UGT2B17: variants seen among roughly 807,000 people sequenced by gnomAD.
The protein encoded by UGT2B17 is UDP-glucuronosyltransferase 2B17.
In UGT2B17, 21 loss-of-function variants were observed where a neutral mutation model predicts 48.2. The observed-to-expected ratio is 0.44, with a 90% CI of 0.31 to 0.63. UGT2B17 has a LOEUF of 0.63. Ranked by LOEUF, UGT2B17 falls within the 20% of genes least tolerant of loss-of-function variation. UGT2B17 has a pLI of 0.08. For synonymous variants in UGT2B17, 146 were observed against 238.4 expected (o/e 0.61, Z 3.57); for missense variants, 402 against 696.1 (o/e 0.58, Z 4.75).
In UGT2B17 at chr4:68,550,841, C is replaced by T. The variant is rs1210070666; in HGVS notation, c.1149G>A (p.Glu383=). 3 of 1,377,296 alleles carry T rather than the reference C, an allele frequency of 2.2e-6. 1 individual carries two copies. The highest frequency in any genetic ancestry group is 1.7e-4 in the East Asian group (2 of 12,114). 85.3% of individuals were successfully genotyped at this position (1,377,296 alleles called of 1,614,324 possible). The change falls in exon 6 of 7, where the codon GAG becomes GAA. Residue 383 remains glutamate, a synonymous_variant. Transcript: ENST00000317746. The stretch of plus-strand genomic sequence containing the variant: ...CCATAGGGATCCCATGGTAGATTGC[C>T]TCATAGATGCCATTGGTTCCACCAT... ...ITHGGTNGIY[E]AIYHGIPMVG... is the part of the protein sequence containing the mutation.
At position 68,575,167 on chromosome 4, in the gene UGT2B17, C is replaced by CTTAGAA. The variant is rs1191272232; in HGVS notation, c.-65+778_-65+783dup. ...TAAGACCTTGTTTAGTCTAAATTTA[C>CTTAGAA]TTAGAATTGGTATAGATGGCCTTTT... On this transcript the variant is annotated intron_variant, in intron 1 of 6. Transcript: ENST00000317746. Among the ~76,000 whole-genome samples the CTTAGAA allele has an allele frequency of 2.7e-5, 3 of 111,042 alleles. 1 individual carries two copies. Among genetic ancestry groups the CTTAGAA allele is most frequent in the Non-Finnish European group, 5.3e-5 (3 of 56,252 alleles). 72.8% of individuals were successfully genotyped at this position (111,042 alleles called of 152,430 possible). A position where few individuals can be genotyped will look rare whatever the true frequency, so the allele number is the denominator to read the frequency against.
Position 68,558,605 on chromosome 4 carries a change from G to A in UGT2B17, c.1005+1932C>T, listed in dbSNP as rs566950914. Among the ~76,000 whole-genome samples the A allele has an allele frequency of 1.6e-5, 2 of 125,354 alleles. 1 individual carries two copies. Among genetic ancestry groups the A allele is most frequent in the Non-Finnish European group, 3.4e-5 (2 of 59,208 alleles). The allele number at this position is 125,354 out of a possible 152,430, so 82.2% of individuals were successfully genotyped here. A position where few individuals can be genotyped will look rare whatever the true frequency, so the allele number is the denominator to read the frequency against. On this transcript the variant is annotated intron_variant, in intron 4 of 6. Transcript: ENST00000317746. The stretch of plus-strand genomic sequence containing the variant: ...TTCCTCCCTTTATTTTGTCTTCACA[G>A]TACATGAGACTTCAGAACCTGCTAA...
chr4:68,568,624 G>A, intron 1 of UGT2B17, 76 bp from the exon 2 acceptor site: 1 of 1,008,782 alleles, frequency 9.9e-7, no homozygotes, highest in Non-Finnish European at 1.3e-6. Context: ...AGTGTGTTTG[G>A]TGTTCTTTTA....
intron 3 of UGT2B17, among the ~76,000 whole-genome samples, chr4:68,561,186 T>C (rs1731096015): frequency 8.1e-6 from 1 of 123,642 alleles, no homozygotes; most frequent in African/African-American, 2.8e-5. Flanking sequence ...ATTAGAATGA[T>C]TTTATATCTA....
rs1201718110 is a variant in UGT2B17 at position 68,544,014 on chromosome 4, T to C, written c.1314-6110A>G. On this transcript the variant is annotated intron_variant, in intron 6 of 6. Coordinates refer to ENST00000317746, the MANE Select transcript of UGT2B17 (RefSeq NM_001077.4). ...ACAAGTTGGAAAACACTCTGCAGGT[T>C]ATCATCCAGGAGAGCTTCCCCAATC... is the stretch of plus-strand genomic sequence containing the variant. Among the ~76,000 whole-genome samples, 2 of 126,564 alleles carry C rather than the reference T, an allele frequency of 1.6e-5. 1 individual carries two copies. Among genetic ancestry groups the C allele is most frequent in the Non-Finnish European group, 3.3e-5 (2 of 59,724 alleles). 83.0% of individuals were successfully genotyped at this position (126,564 alleles called of 152,430 possible). A position where few individuals can be genotyped will look rare whatever the true frequency, so the allele number is the denominator to read the frequency against.
chr4:68,543,407 A>G lies in UGT2B17; in HGVS notation c.1314-5503T>C, dbSNP rs1256251920. On this transcript the variant is annotated intron_variant, in intron 6 of 6. Coordinates refer to ENST00000317746, the MANE Select transcript of UGT2B17 (RefSeq NM_001077.4). The stretch of plus-strand genomic sequence containing the variant: ...GTTAGAAGGAAAACTAACAAACGGA[A>G]AGGACATCCACACCAAAACCCATTT... Among the ~76,000 whole-genome samples, 2 of 126,370 alleles carry G rather than the reference A, an allele frequency of 1.6e-5. 1 individual carries two copies. The highest frequency in any genetic ancestry group is 5.4e-5 in the African/African-American group (2 of 36,970). The allele number at this position is 126,370 out of a possible 152,430, so 82.9% of individuals were successfully genotyped here.
At chr4:68,558,491 T>C (rs1731044722) in intron 4 of UGT2B17, among the ~76,000 whole-genome samples, 1 of 126,512 alleles carries the variant, frequency 7.9e-6, no homozygotes, top group South Asian at 3.6e-4. Flanking sequence ...ATAATCCACT[T>C]TCATACCTGC....
intron 1 of UGT2B17, among the ~76,000 whole-genome samples, chr4:68,572,056 G>T (rs1196915877): frequency 1.6e-5 from 2 of 125,552 alleles, no homozygotes; most frequent in Non-Finnish European, 3.4e-5. Flanking sequence ...TTTCCTTTTT[G>T]GAGTCAAACA....
intron 4 of UGT2B17, among the ~76,000 whole-genome samples, chr4:68,556,883 C>T (rs1454058618): frequency 8.0e-6 from 1 of 125,008 alleles, no homozygotes; most frequent in African/African-American, 2.7e-5. Flanking sequence ...CCTGTGATAT[C>T]AAGCTTTTTA....
intron 1 of UGT2B17, among the ~76,000 whole-genome samples, chr4:68,573,277 A>G (rs1458481096): frequency 7.9e-6 from 1 of 127,066 alleles, no homozygotes; most frequent in African/African-American, 2.7e-5. Flanking sequence ...AGTCTGGGTT[A>G]AAACTCCAAC....
At chr4:68,571,158 C>A (rs1420118732) in intron 1 of UGT2B17, among the ~76,000 whole-genome samples, 1 of 125,036 alleles carries the variant, frequency 8.0e-6, no homozygotes, top group Non-Finnish European at 1.7e-5. Context: ...CCATCTTGTG[C>A]CTAAGTGGCG....
In UGT2B17 at chr4:68,562,942, A is replaced by T. The variant is rs1731130439; in HGVS notation, c.874-2274T>A. ...CAGTGTAATTAAACATTGTTTTGAA[A>T]AAATGGATTGTAATGGCTTGGTATG... On this transcript the variant is annotated intron_variant, in intron 3 of 6. Transcript: ENST00000317746. Among the ~76,000 whole-genome samples, 2 of 126,462 alleles carry T rather than the reference A, an allele frequency of 1.6e-5. 1 individual carries two copies. Among genetic ancestry groups the T allele is most frequent in the African/African-American group, 5.4e-5 (2 of 37,042 alleles). The allele number at this position is 126,462 out of a possible 152,430, so 83.0% of individuals were successfully genotyped here.
Position 68,553,067 on chromosome 4 carries a change from C to G in UGT2B17, c.1006-1156G>C, listed in dbSNP as rs965057639. ...GGGTTTTGTCTTGGTTAATGTTTAACAACTAGCTGGACTTAATTTCTCCTT... is the reference window on the plus strand; with the variant it reads ...GGGTTTTGTCTTGGTTAATGTTTAAGAACTAGCTGGACTTAATTTCTCCTT... On this transcript the variant is annotated intron_variant, in intron 4 of 6. Coordinates refer to ENST00000317746, the MANE Select transcript of UGT2B17 (RefSeq NM_001077.4). Among the ~76,000 whole-genome samples, 7 of 125,304 alleles carry G rather than the reference C, an allele frequency of 5.6e-5. No individual in the cohort carries two copies. In the Admixed American group the frequency reaches 5.7e-4, roughly 10 times the overall value. 82.2% of individuals were successfully genotyped at this position (125,304 alleles called of 152,430 possible).
At chr4:68,545,945 C>T (rs1185159784) in intron 6 of UGT2B17, among the ~76,000 whole-genome samples, 1 of 124,868 alleles carries the variant, frequency 8.0e-6, no homozygotes, top group Non-Finnish European at 1.7e-5. Context: ...GCTTACCAAC[C>T]AAAAAAAGTC....
rs757077341 is a variant in UGT2B17, at chr4:68,568,121, C to T, written c.364G>A (p.Asp122Asn). 2.2e-6 allele frequency: 3 copies of T among 1,381,692 alleles called. 1 individual carries two copies. In the African/African-American group the frequency reaches 4.4e-5, roughly 20 times the overall value. The allele number at this position is 1,381,692 out of a possible 1,614,324, so 85.6% of individuals were successfully genotyped here. ...TCTTCACAGAGCTTTATATTATAGTCAGAATATTCCCAACACAATTCTTGT... is the reference window on the plus strand; with the variant it reads ...TCTTCACAGAGCTTTATATTATAGTTAGAATATTCCCAACACAATTCTTGT... ...QLQELCWEYS[D>N]YNIKLCEDAV... The change falls in exon 2 of 7, where the codon GAC becomes AAC. Residue 122 changes from aspartate to asparagine, a missense_variant. By Grantham distance (23) the Asp-to-Asn change is conservative (BLOSUM62 1). Transcript: ENST00000317746.
In UGT2B17 at chr4:68,567,971, T is replaced by C. The variant is rs1462817806; in HGVS notation, c.514A>G (p.Ser172Gly). Residue 172 changes from serine (S) to glycine (G), a missense_variant, in exon 2 of 7, where the codon AGT becomes GGT. Ser to Gly is a moderately conservative substitution (Grantham distance 56). Coordinates refer to ENST00000317746, the MANE Select transcript of UGT2B17 (RefSeq NM_001077.4). The stretch of plus-strand genomic sequence containing the variant: ...GTGTAGCCAACAGAGAAGCGGAGAC[T>C]GTACAGAAAGGGTATGTTAAGTAGC... ...AELLNIPFLYSLRFSVGYTVE... is the reference protein window; with the variant it reads ...AELLNIPFLYGLRFSVGYTVE... 7 of 1,381,686 alleles carry C rather than the reference T, an allele frequency of 5.1e-6. 1 individual carries two copies. The highest frequency in any genetic ancestry group is 6.6e-6 in the Non-Finnish European group (7 of 1,055,262). The allele number at this position is 1,381,686 out of a possible 1,614,324, so 85.6% of individuals were successfully genotyped here.
chr4:68,573,419 T>A (rs1405762067), intron 1 of UGT2B17, among the ~76,000 whole-genome samples: 1 of 125,220 alleles, frequency 8.0e-6, no homozygotes, highest in Non-Finnish European at 1.7e-5. Flanking sequence ...TTGGTTGTAA[T>A]AGATGTAGTT....
intron 3 of UGT2B17, among the ~76,000 whole-genome samples, chr4:68,564,294 A>ATTTTTTTTTT (rs1182011820): frequency 4.0e-5 from 3 of 75,762 alleles, no homozygotes; most frequent in African/African-American, 1.5e-4. Flanking sequence ...ATATATATAT[A>ATTTTTTTTTT]TTTTTTTTTT....
rs182101598 is a variant in UGT2B17, at chr4:68,553,976, A to G, written c.1006-2065T>C. 1.6e-4 allele frequency among the ~76,000 whole-genome samples: 20 copies of G among 124,872 alleles called. 4 individuals are homozygous for G. Among genetic ancestry groups the G allele is most frequent in the African/African-American group, 4.1e-4 (15 of 36,580 alleles). The allele number at this position is 124,872 out of a possible 152,430, so 81.9% of individuals were successfully genotyped here. ...GGGAGTGTCTTGGGTTTGACCCCCT[A>G]TGACATGCAGTGGTCCTGCAGGGAA... On this transcript the variant is annotated intron_variant, in intron 4 of 6. Transcript: ENST00000317746.
Sources: allele counts gnomAD v4.1 joint callset (sites outside exome capture counted in the v4.1 genomes callset), GRCh38; gene constraint gnomAD v4.1.1; transcripts MANE v1.5; gene names NCBI Gene and HGNC (gene_info 2026-07-23, HGNC 2026-07-21).